The following TTC9 variants were observed in gnomAD, a reference collection of about 807,000 sequenced individuals.
TTC9 encodes tetratricopeptide repeat protein 9A.
TTC9 carries 13 observed loss-of-function variants against 22.9 expected under a neutral mutation model. The observed-to-expected ratio is 0.57, with a 90% confidence interval of 0.37 to 0.90. TTC9 has a LOEUF of 0.90. TTC9 is among the 40% of genes least tolerant of loss of function. The probability of loss-of-function intolerance (pLI) is 0.01; values close to 1 mark genes in which losing one functional copy is unlikely to be tolerated. For synonymous variants in TTC9, 148 were observed against 133.2 expected (o/e 1.11, Z -0.77); for missense variants, 280 against 291.8 (o/e 0.96, Z 0.29).
intron 2 of TTC9, among the ~76,000 whole-genome samples, chr14:70,668,367 A>G (rs1380443950): frequency 2.0e-5 from 3 of 152,224 alleles, no homozygotes; most frequent in Middle Eastern, 3.2e-3. Flanking sequence ...AAGAGCTTAT[A>G]TTATAATGGC....
chr14:70,661,001 T>TA (rs147052316), intron 1 of TTC9, among the ~76,000 whole-genome samples: 1,893 of 152,268 alleles, frequency 0.012, 37 homozygotes, highest in African/African-American at 0.043. Flanking sequence ...CTGGGTGACT[T>TA]AAAATAACAG....
intron 2 of TTC9, among the ~76,000 whole-genome samples, chr14:70,669,428 C>A (rs1055526067): frequency 2.6e-5 from 4 of 151,918 alleles, no homozygotes; most frequent in Non-Finnish European, 4.4e-5. Flanking sequence ...TACAGGCATG[C>A]ACTACCATGC....
chr14:70,642,410 C>T lies in TTC9; in HGVS notation c.281C>T (p.Pro94Leu), dbSNP rs1248401505. ...LLELKGLLPP[P>L]GERERDSRPA... ...GAGCTGAAGGGGCTGCTGCCGCCCC[C>T]CGGGGAACGGGAGCGGGACTCGCGC... Residue 94 changes from proline to leucine, a missense_variant, in exon 1 of 3, where the codon CCC (proline) becomes CTC (leucine). By Grantham distance (98) the Pro-to-Leu change is moderately conservative. Coordinates refer to ENST00000256367, the MANE Select transcript of TTC9 (RefSeq NM_015351.2). 1.3e-6 allele frequency: 2 copies of T among 1,597,316 alleles called. No homozygotes were observed. The highest frequency in any genetic ancestry group is 2.7e-5 in the African/African-American group (2 of 73,914).
intron 1 of TTC9, among the ~76,000 whole-genome samples, chr14:70,650,461 G>A (rs537527693): frequency 6.6e-6 from 1 of 152,064 alleles, no homozygotes; most frequent in South Asian, 2.1e-4. Flanking sequence ...GAAAATAAAA[G>A]GGGAGTTCTT....
Position 70,672,024 on chromosome 14 carries a change from G to C in TTC9, c.*869G>C, listed in dbSNP as rs1050651. 0.23 allele frequency: 34,571 copies of C among 152,188 alleles called. 4,842 individuals carry two copies. Among genetic ancestry groups the C allele is most frequent in the African/African-American group, 0.4 (16,449 of 41,480 alleles). The allele number at this position is 152,188 out of a possible 1,614,324, so 9.4% of individuals were successfully genotyped here. Reference sequence around the variant, plus strand: ...AGTGTAAATAAAAACAAATTAACAGGTAGTAGTTCCTGTCAGTTCTGTTGG... The same window carrying C: ...AGTGTAAATAAAAACAAATTAACAGCTAGTAGTTCCTGTCAGTTCTGTTGG... On this transcript the variant is annotated 3_prime_UTR_variant, in exon 3 of 3. Transcript: ENST00000256367.
At chr14:70,647,329 G>A (rs1424879018) in intron 1 of TTC9, among the ~76,000 whole-genome samples, 3 of 152,082 alleles carry the variant, frequency 2.0e-5, no homozygotes, top group African/African-American at 7.2e-5. Context: ...CTTCATATGT[G>A]CACTTTCCAC....
chr14:70,665,909 T>C (rs1886208864), intron 1 of TTC9, among the ~76,000 whole-genome samples: 1 of 152,126 alleles, frequency 6.6e-6, no homozygotes, highest in Non-Finnish European at 1.5e-5. Context: ...GAACAGAGCA[T>C]CAGCATTCTC....
intron 1 of TTC9, among the ~76,000 whole-genome samples, chr14:70,661,726 G>A (rs1043600336): frequency 4.6e-5 from 7 of 152,150 alleles, no homozygotes; most frequent in East Asian, 3.8e-4. Flanking sequence ...AGGATTTTCC[G>A]TCTGTGTGCA....
Position 70,664,048 on chromosome 14 carries a change from C to T in TTC9, c.407-3516C>T, listed in dbSNP as rs1285873694. Among the ~76,000 whole-genome samples, 4 of 152,068 alleles carry T rather than the reference C, an allele frequency of 2.6e-5. No individual in the cohort carries two copies. In the East Asian group the frequency reaches 7.7e-4, roughly 29 times the overall value. ...AGAAGGATAAAAATAGAACCTGTTT[C>T]ATGGAGTTGATGTGAGGATTAAAAG... On this transcript the variant is annotated intron_variant, in intron 1 of 2. Transcript: ENST00000256367.
intron 1 of TTC9, among the ~76,000 whole-genome samples, chr14:70,654,587 C>CAAAAAAAAAAAAAAAAAA (rs61046584): frequency 5.1e-4 from 29 of 57,150 alleles, no homozygotes; most frequent in Admixed American, 9.0e-4. Flanking sequence ...GGCTCTGTCT[C>CAAAAAAAAAAAAAAAAAA]AAAAAAAAAA....
In TTC9 at chr14:70,671,086, G is replaced by A. The variant is rs1285151521; in HGVS notation, c.600G>A (p.Val200=). 1.9e-6 allele frequency: 3 copies of A among 1,613,492 alleles called. No homozygotes were observed. Among genetic ancestry groups the A allele is most frequent in the African/African-American group, 2.7e-5 (2 of 74,904 alleles). ...ARTQQPTDTN[V]IRYIQLTEMK... is the part of the protein sequence containing the mutation. ...TTTCTCTCCTCACAGACACCAACGT[G>A]ATTCGGTATATCCAGCTGACGGAGA... The change falls in exon 3 of 3, where the codon GTG becomes GTA. Residue 200 remains valine (V), a synonymous_variant. Coordinates refer to ENST00000256367, the MANE Select transcript of TTC9 (RefSeq NM_015351.2).
chr14:70,659,566 T>C (rs1185793190), intron 1 of TTC9, among the ~76,000 whole-genome samples: 3 of 152,150 alleles, frequency 2.0e-5, no homozygotes, highest in African/African-American at 7.2e-5. Flanking sequence ...CAGTTGGTTT[T>C]GTTTGCTTGT....
rs1442947268 is a variant in TTC9, at chr14:70,674,301, G to A, written c.*3146G>A. 1 of 152,114 alleles carries A rather than the reference G, an allele frequency of 6.6e-6. No individual in the cohort carries two copies. The highest frequency in any genetic ancestry group is 1.5e-5 in the Non-Finnish European group (1 of 68,028). The allele number at this position is 152,114 out of a possible 1,614,324, so 9.4% of individuals were successfully genotyped here. A position where few individuals can be genotyped will look rare whatever the true frequency, so the allele number is the denominator to read the frequency against. On this transcript the variant is annotated 3_prime_UTR_variant, in exon 3 of 3. Transcript: ENST00000256367. Reference sequence around the variant, plus strand: ...TAATTATTGTGAAAGCATCATGTGTGTATTGTAGAAGTTTTAGGAAAAAAA... The same window carrying A: ...TAATTATTGTGAAAGCATCATGTGTATATTGTAGAAGTTTTAGGAAAAAAA...
At position 70,642,183 on chromosome 14, in the gene TTC9, G is replaced by T. The variant is rs1161790338; in HGVS notation, c.54G>T (p.Ala18=). The T allele has an allele frequency of 2.5e-6, 3 of 1,213,378 alleles. No individual in the cohort carries two copies. The highest frequency in any genetic ancestry group is 1.6e-5 in the African/African-American group (1 of 62,388). 75.2% of individuals were successfully genotyped at this position (1,213,378 alleles called of 1,614,324 possible). A position where few individuals can be genotyped will look rare whatever the true frequency, so the allele number is the denominator to read the frequency against. Residue 18 remains alanine, a synonymous_variant, in exon 1 of 3, where the codon GCG becomes GCT. Transcript: ENST00000256367. Reference sequence around the variant, plus strand: ...CCAAGGGGAACCCGAGCCCGCCCGCGGCCGGAGAGGGGCAGCGGCCACCGC... The same window carrying T: ...CCAAGGGGAACCCGAGCCCGCCCGCTGCCGGAGAGGGGCAGCGGCCACCGC... The part of the protein sequence containing the change: ...AGAKGNPSPP[A]AGEGQRPPPP...
In TTC9 at chr14:70,667,545, T is replaced by TC; in HGVS notation, c.407-16dup. 2 of 1,613,562 alleles carry TC rather than the reference T, an allele frequency of 1.2e-6. No homozygotes were observed. Among genetic ancestry groups the TC allele is most frequent in the Non-Finnish European group, 1.7e-6 (2 of 1,179,844 alleles). ...GGCCACTGTTGTGCTGATGGCATTTTCCCTCCCTTCCTCCATAGCCTGCCT... is the reference window on the plus strand; with the variant it reads ...GGCCACTGTTGTGCTGATGGCATTTTCCCCTCCCTTCCTCCATAGCCTGCCT... On this transcript the variant is annotated intron_variant, in intron 1 of 2. Coordinates refer to ENST00000256367, the MANE Select transcript of TTC9 (RefSeq NM_015351.2).
rs968192598 is a variant in TTC9, at chr14:70,655,732, C to T, written c.407-11832C>T. Among the ~76,000 whole-genome samples, 36 of 152,308 alleles carry T rather than the reference C, an allele frequency of 2.4e-4. 3 individuals carry two copies. The highest frequency in any genetic ancestry group is 1.6e-3 in the Admixed American group (25 of 15,298). ...TCCTGTTGCTGCTACTTCCTTTTCA[C>T]ATTCCACAGCACCACTACACCCAGA... On this transcript the variant is annotated intron_variant, in intron 1 of 2. Transcript: ENST00000256367.
intron 1 of TTC9, among the ~76,000 whole-genome samples, chr14:70,646,007 A>G (rs1053653285): frequency 5.9e-5 from 9 of 152,238 alleles, no homozygotes; most frequent in African/African-American, 2.2e-4. Context: ...AAGAATAGCA[A>G]GAGGACAGCT....
chr14:70,643,648 T>C (rs1396683839), intron 1 of TTC9, among the ~76,000 whole-genome samples: 1 of 152,112 alleles, frequency 6.6e-6, no homozygotes, highest in Admixed American at 6.5e-5. Context: ...GAATGGTGAA[T>C]GTGTCTGAAG....
intron 1 of TTC9, among the ~76,000 whole-genome samples, chr14:70,663,882 C>T (rs901271676): frequency 1.2e-4 from 18 of 152,164 alleles, no homozygotes; most frequent in African/African-American, 4.3e-4. Flanking sequence ...AAATGCATCC[C>T]CACAGACACC....
Sources: gnomAD v4.1 joint callset for allele counts (sites outside exome capture counted in the v4.1 genomes callset) on GRCh38, gnomAD v4.1.1 for gene constraint, MANE v1.5 for transcripts, NCBI Gene and HGNC (gene_info 2026-07-23, HGNC 2026-07-21) for gene names.